ZNF880: variants seen among roughly 807,000 people sequenced by gnomAD.
ZNF880 encodes zinc finger protein 880, also known as zinc finger protein LOC400713.
Under a neutral mutation model 11.8 loss-of-function variants are expected in ZNF880, and 12 were observed. The ratio of observed to expected loss-of-function variants is 1.02; its 90% CI spans 0.65 to 1.65. ZNF880 has a LOEUF of 1.65. Ranked by LOEUF, ZNF880 falls within the 40% of genes most tolerant of loss-of-function variation. The pLI is 0.00. For missense variants in ZNF880, 601 were observed against 673.9 expected, an observed-to-expected ratio of 0.89 and a Z score of 1.20; for synonymous variants, 210 against 232.4, an observed-to-expected ratio of 0.90 and a Z score of 0.88.
intron 3 of ZNF880, chr19:52,374,745 T>C (rs937440009): frequency 1.4e-5 from 8 of 584,136 alleles, no homozygotes; most frequent in Non-Finnish European, 2.4e-5. Flanking sequence ...TTTTGTCTTG[T>C]TTTGTTGAGA....
At chr19:52,381,805 T>C (rs2122396316) in intron 3 of ZNF880, among the ~76,000 whole-genome samples, 1 of 149,312 alleles carries the variant, frequency 6.7e-6, no homozygotes, top group Non-Finnish European at 1.5e-5. Flanking sequence ...ATTGAAACAT[T>C]CTATTTTTAA....
At chr19:52,373,781 C>G (rs972465362) in intron 2 of ZNF880, among the ~76,000 whole-genome samples, 2 of 142,660 alleles carry the variant, frequency 1.4e-5, no homozygotes, top group Non-Finnish European at 3.0e-5. Context: ...TCAAGCAATT[C>G]TGCCTCAGCC....
intron 3 of ZNF880, among the ~76,000 whole-genome samples, chr19:52,376,412 T>C (rs1986551674): frequency 6.6e-6 from 1 of 151,882 alleles, no homozygotes; most frequent in South Asian, 2.1e-4. Flanking sequence ...CTCTGATAAT[T>C]AGTGATGTGG....
chr19:52,386,185 A>G (rs992688250), downstream of ZNF880, among the ~76,000 whole-genome samples: 3 of 141,170 alleles, frequency 2.1e-5, no homozygotes, highest in East Asian at 2.1e-4. Flanking sequence ...AAAAAAAAAA[A>G]AAAGAAAGAA....
chr19:52,383,028 C>G (rs1429385053), intron 3 of ZNF880, among the ~76,000 whole-genome samples: 1 of 152,038 alleles, frequency 6.6e-6, no homozygotes, highest in Non-Finnish European at 1.5e-5. Context: ...TTTCAATTTG[C>G]TCATTGTTTT....
At chr19:52,374,999 C>T (rs59618972) in intron 3 of ZNF880, among the ~76,000 whole-genome samples, 3,919 of 151,502 alleles carry the variant, frequency 0.026, 144 homozygotes, top group African/African-American at 0.088. Flanking sequence ...GGCCTGCCAA[C>T]GTGCTTGGAT....
chr19:52,393,444 G>A, the ZNF880 span, among the ~76,000 whole-genome samples: 7 of 150,534 alleles, frequency 4.7e-5, no homozygotes, highest in Non-Finnish European at 8.8e-5. Flanking sequence ...TTCTTGCTTC[G>A]AGACAATGAC....
At chr19:52,377,504 G>C (rs991423905) in intron 3 of ZNF880, among the ~76,000 whole-genome samples, 1 of 152,136 alleles carries the variant, frequency 6.6e-6, no homozygotes, top group Non-Finnish European at 1.5e-5. Context: ...AGATCCCACA[G>C]GCAAAGGGCT....
At chr19:52,367,738 C>G (rs1986181793), upstream of ZNF880, 1 of 152,078 alleles carries the variant, frequency 6.6e-6, no homozygotes, top group Admixed American at 6.6e-5. Context: ...CAGCCTTGTA[C>G]ACCCTCAAAT....
At chr19:52,376,509 C>CT (rs869288387) in intron 3 of ZNF880, among the ~76,000 whole-genome samples, 7 of 58,322 alleles carry the variant, frequency 1.2e-4, no homozygotes, top group East Asian at 1.5e-3. Flanking sequence ...CCCCCCCCCC[C>CT]TTTTTTTTTT....
chr19:52,373,262 T>G, intron 2 of ZNF880, 25 bp downstream of exon 2: 1 of 1,601,578 alleles, frequency 6.2e-7, no homozygotes, highest in South Asian at 1.1e-5. Flanking sequence ...CCTTCAGAAG[T>G]CAAGATCTGC....
At chr19:52,374,726 T>G in intron 3 of ZNF880, 1 of 598,354 alleles carries the variant, frequency 1.7e-6, no homozygotes, top group Non-Finnish European at 3.0e-6. Context: ...GAGTTCTGAT[T>G]GAAGTTTGTT....
At chr19:52,370,529 A>T (rs930319057) in intron 1 of ZNF880, 1 of 153,726 alleles carries the variant, frequency 6.5e-6, no homozygotes, top group East Asian at 1.9e-4. Context: ...CGGGGCTGGA[A>T]TTCCATCTTC....
intron 1 of ZNF880, among the ~76,000 whole-genome samples, chr19:52,372,555 T>C (rs1349034714): frequency 2.0e-5 from 3 of 148,770 alleles, no homozygotes; most frequent in Non-Finnish European, 3.0e-5. Flanking sequence ...CCCAAAGTGC[T>C]GGGATTACAG....
chr19:52,395,277 GTGA>G, the ZNF880 span, among the ~76,000 whole-genome samples: 114 of 152,240 alleles, frequency 7.5e-4, no homozygotes, highest in African/African-American at 2.6e-3. Flanking sequence ...TGGAATAGTA[GTGA>G]TAAGAGGGGA....
intron 3 of ZNF880, among the ~76,000 whole-genome samples, chr19:52,375,275 C>T (rs1195484425): frequency 1.3e-5 from 2 of 151,782 alleles, no homozygotes; most frequent in Admixed American, 6.6e-5. Flanking sequence ...CAACCTCTGC[C>T]TCTCAATTTC....
upstream of ZNF880, among the ~76,000 whole-genome samples, chr19:52,368,811 T>G (rs1421202077): frequency 2.6e-5 from 4 of 151,872 alleles, no homozygotes; most frequent in African/African-American, 7.3e-5. Flanking sequence ...GAGTGCTGTT[T>G]GGAGACAAAA....
chr19:52,390,767 T>C (rs960963923), downstream of ZNF880: 1 of 152,378 alleles, frequency 6.6e-6, no homozygotes, highest in Non-Finnish European at 1.5e-5. Context: ...AAACCCTGTC[T>C]CTAAAAAATA....
At chr19:52,369,841 C>A (rs1391820823), upstream of ZNF880, 1 of 1,270,088 alleles carries the variant, frequency 7.9e-7, no homozygotes. Context: ...ACGAGACGAG[C>A]TGGGAGCGAG....
Sources: gnomAD v4.1 joint callset for allele counts (sites outside exome capture counted in the v4.1 genomes callset) on GRCh38, gnomAD v4.1.1 for gene constraint, MANE v1.5 for transcripts, NCBI Gene and HGNC (gene_info 2026-07-23, HGNC 2026-07-21) for gene names.